Variants in LRP1B observed in about 807,000 individuals in gnomAD.
LRP1B encodes LDL receptor related protein 1B.
In LRP1B, 217 loss-of-function variants were observed where a neutral mutation model predicts 556.6. The observed-to-expected ratio is 0.39, with a 90% CI of 0.35 to 0.44. The LOEUF is 0.44. Ranked by LOEUF, LRP1B falls within the 20% of genes least tolerant of loss-of-function variation. The probability of loss-of-function intolerance (pLI) is 1.00; values close to 1 mark genes in which losing one functional copy is unlikely to be tolerated. For missense variants in LRP1B, 5,053 were observed against 5,620.8 expected (o/e 0.90, Z 3.23); for synonymous variants, 2,047 against 1,865.8 (o/e 1.10, Z -2.50).
intron 52 of LRP1B, among the ~76,000 whole-genome samples, chr2:140,507,498 C>T (rs897756962): frequency 9.2e-5 from 14 of 152,164 alleles, no homozygotes; most frequent in African/African-American, 3.1e-4. Flanking sequence ...TCAGCCCCTC[C>T]GTAAGTACCA....
intron 1 of LRP1B, among the ~76,000 whole-genome samples, chr2:142,048,442 A>G (rs1428627311): frequency 6.6e-6 from 1 of 152,098 alleles, no homozygotes; most frequent in East Asian, 1.9e-4. Context: ...AGCAACTGCC[A>G]TCAAAAGTTA....
chr2:140,930,441 A>G (rs950946027), intron 20 of LRP1B, among the ~76,000 whole-genome samples: 2 of 152,098 alleles, frequency 1.3e-5, no homozygotes, highest in African/African-American at 4.8e-5. Context: ...GCAACTGTAC[A>G]GTGACAGAAA....
chr2:140,618,939 G>T (rs568478964), intron 41 of LRP1B, among the ~76,000 whole-genome samples: 10 of 152,112 alleles, frequency 6.6e-5, no homozygotes, highest in South Asian at 2.1e-4. Context: ...TCTAATTCCT[G>T]CACTTCCCAT....
At chr2:140,554,850 G>T (rs1279166294) in intron 43 of LRP1B, among the ~76,000 whole-genome samples, 2 of 129,190 alleles carry the variant, frequency 1.5e-5, no homozygotes, top group Non-Finnish European at 3.3e-5. Flanking sequence ...TTTAAAGTGT[G>T]TGTATGTGTG....
intron 2 of LRP1B, among the ~76,000 whole-genome samples, chr2:141,772,185 T>G (rs1055223499): frequency 6.6e-6 from 1 of 152,128 alleles, no homozygotes; most frequent in Non-Finnish European, 1.5e-5. Context: ...CACTCAACAC[T>G]GAATCTGCCT....
chr2:141,703,754 A>G lies in LRP1B; in HGVS notation c.205+106525T>C, dbSNP rs996695432. On this transcript the variant is annotated intron_variant, in intron 2 of 90. Coordinates refer to ENST00000389484, the MANE Select transcript of LRP1B (RefSeq NM_018557.3). Reference sequence around the variant, plus strand: ...CCCACAGTGATATTGCTGAGGATGCATATAACAGAAACCCTGGTGCAAAAA... The same window carrying G: ...CCCACAGTGATATTGCTGAGGATGCGTATAACAGAAACCCTGGTGCAAAAA... 1.2e-4 allele frequency among the ~76,000 whole-genome samples: 18 copies of G among 151,946 alleles called. No homozygotes were observed. In the Admixed American group the frequency reaches 1.2e-3, roughly 10 times the overall value.
chr2:140,280,199 C>A (rs984548564), intron 84 of LRP1B, among the ~76,000 whole-genome samples: 2 of 151,822 alleles, frequency 1.3e-5, no homozygotes, highest in Non-Finnish European at 1.5e-5. Context: ...ACTCACACTC[C>A]ACTTTCACAC....
At chr2:141,931,958 A>G (rs991444791) in intron 1 of LRP1B, among the ~76,000 whole-genome samples, 3 of 151,996 alleles carry the variant, frequency 2.0e-5, no homozygotes, top group Non-Finnish European at 4.4e-5. Flanking sequence ...ATGAGCAATG[A>G]GGATTTAATA....
Position 141,213,443 on chromosome 2 carries a change from C to T in LRP1B, c.850+15740G>A, listed in dbSNP as rs370819451. On this transcript the variant is annotated intron_variant, in intron 6 of 90. Transcript: ENST00000389484. ...CCCTGGACAGGCCACCATTTCATCA[C>T]AAGATGTACTCGCACACACCCCCAC... Among the ~76,000 whole-genome samples, 37 of 152,294 alleles carry T rather than the reference C, an allele frequency of 2.4e-4. No homozygotes were observed. In the East Asian group the frequency reaches 4.3e-3, roughly 18 times the overall value.
chr2:141,900,809 C>T (rs771114874), intron 1 of LRP1B, among the ~76,000 whole-genome samples: 1 of 151,752 alleles, frequency 6.6e-6, no homozygotes, highest in Non-Finnish European at 1.5e-5. Flanking sequence ...TCAAATAATT[C>T]CTTTGTCAAT....
At chr2:141,185,687 C>CAAAAAAAAAAAAAAAAAA (rs111914547) in intron 7 of LRP1B, among the ~76,000 whole-genome samples, 2 of 132,146 alleles carry the variant, frequency 1.5e-5, no homozygotes, top group African/African-American at 3.0e-5. Flanking sequence ...AACAAACAAA[C>CAAAAAAAAAAAAAAAAAA]AAAAAAAAAC....
chr2:142,115,573 T>TATATATGTTACATATATATA (rs1707189211), intron 1 of LRP1B, among the ~76,000 whole-genome samples: 2 of 14,438 alleles, frequency 1.4e-4, no homozygotes. Context: ...TAATATATAT[T>TATATATGTTACATATATATA]ATATATGTAA....
intron 2 of LRP1B, among the ~76,000 whole-genome samples, chr2:141,492,735 G>T (rs1337992613): frequency 6.6e-6 from 1 of 152,104 alleles, no homozygotes; most frequent in Admixed American, 6.6e-5. Flanking sequence ...ATTTACACTT[G>T]AGAGGAAGAA....
chr2:140,783,942 T>C (rs951459450), intron 32 of LRP1B, among the ~76,000 whole-genome samples: 1 of 152,196 alleles, frequency 6.6e-6, no homozygotes, highest in Non-Finnish European at 1.5e-5. Context: ...CAGTAGATTG[T>C]TGGGCTCCAC....
intron 86 of LRP1B, among the ~76,000 whole-genome samples, chr2:140,260,150 T>C (rs1490913421): frequency 2.0e-5 from 3 of 151,974 alleles, no homozygotes; most frequent in Admixed American, 1.3e-4. Flanking sequence ...GGAGAATTGT[T>C]CTTGCTATGG....
Position 140,951,890 on chromosome 2 carries a change from A to G in LRP1B, c.2938T>C (p.Cys980Arg). ...LTQFVCKSGR[C>R]ISSKWHCDSD... ...TCGCAGTGCCATTTGCTGCTAATGC[A>G]TCTTCCACTTTTGCATACGAATTGG... is the stretch of plus-strand genomic sequence containing the variant. Residue 980 changes from cysteine (C) to arginine (R), a missense_variant, in exon 19 of 91, where the codon TGC (cysteine) becomes CGC (arginine). By Grantham distance (180) the Cys-to-Arg change is radical (BLOSUM62 -3). This residue lies in a region of LRP1B where 3,619 missense variants were observed against 3,931.9 expected (regional missense o/e 0.92). Coordinates refer to ENST00000389484, the MANE Select transcript of LRP1B (RefSeq NM_018557.3). The G allele has an allele frequency of 6.2e-7, 1 of 1,614,050 alleles. No homozygotes were observed. The highest frequency in any genetic ancestry group is 8.5e-7 in the Non-Finnish European group (1 of 1,179,918).
chr2:141,586,166 T>C (rs2105287129), intron 2 of LRP1B, among the ~76,000 whole-genome samples: 1 of 152,334 alleles, frequency 6.6e-6, no homozygotes, highest in Non-Finnish European at 1.5e-5. Flanking sequence ...ATGTTGGATA[T>C]GAATAGAAAT....
At chr2:141,055,297 T>C (rs2105456383) in intron 9 of LRP1B, 38 bp from the exon 10 acceptor site, 1 of 1,591,268 alleles carries the variant, frequency 6.3e-7, no homozygotes. Context: ...GAAATTCAAG[T>C]TCAAAGATAA....
At chr2:141,572,072 T>C (rs1686549700) in intron 2 of LRP1B, among the ~76,000 whole-genome samples, 1 of 152,028 alleles carries the variant, frequency 6.6e-6, no homozygotes, top group African/African-American at 2.4e-5. Context: ...CTTCAGGAAA[T>C]GCAGAGAACA....
Sources: allele counts gnomAD v4.1 joint callset (sites outside exome capture counted in the v4.1 genomes callset), GRCh38; gene constraint gnomAD v4.1.1; regional missense constraint gnomAD v4.1.1; transcripts MANE v1.5; gene names NCBI Gene and HGNC (gene_info 2026-07-23, HGNC 2026-07-21).